NDUFB2: variants seen among roughly 807,000 people sequenced by gnomAD.
The protein encoded by NDUFB2 is NADH dehydrogenase [ubiquinone] 1 beta subcomplex subunit 2, mitochondrial.
In NDUFB2, 13 loss-of-function variants were observed where a neutral mutation model predicts 13.4. The ratio of observed to expected loss-of-function variants is 0.97; its 90% CI spans 0.63 to 1.54. NDUFB2 has a LOEUF of 1.54. NDUFB2 is among the 40% of genes most tolerant of loss of function. NDUFB2 has a pLI of 0.00. For missense variants in NDUFB2, 150 were observed against 139.7 expected, an observed-to-expected ratio of 1.07 and a Z score of -0.37; for synonymous variants, 47 against 50.6, an observed-to-expected ratio of 0.93 and a Z score of 0.30.
intron 3 of NDUFB2, chr7:140,705,499 C>G (rs972715080): frequency 6.6e-6 from 1 of 152,018 alleles, no homozygotes; most frequent in African/African-American, 2.4e-5. Flanking sequence ...TTTGTAGAGA[C>G]AGGGTGTCAC....
intron 3 of NDUFB2, chr7:140,706,045 TATG>T (rs1794965534): frequency 7.0e-6 from 1 of 142,412 alleles, no homozygotes; most frequent in Non-Finnish European, 1.5e-5. Flanking sequence ...TATGTTATGT[TATG>T]TTATGTTATG....
chr7:140,697,933 C>G, intron 1 of NDUFB2: 1 of 1,204,642 alleles, frequency 8.3e-7, no homozygotes, highest in East Asian at 5.7e-5. Context: ...CTCCTGGGCT[C>G]AAGTGATTCT....
chr7:140,697,247 A>G (rs528695214), intron 1 of NDUFB2: 5 of 694,056 alleles, frequency 7.2e-6, no homozygotes, highest in East Asian at 2.7e-5. Context: ...GGCGCGGTCC[A>G]GGGTCCCGGT....
chr7:140,702,808 G>A (rs1214834028), intron 1 of NDUFB2, 58 bp from the exon 2 acceptor site: 2 of 1,597,486 alleles, frequency 1.3e-6, no homozygotes, highest in Non-Finnish European at 1.7e-6. Context: ...AGGAGTTTTG[G>A]ATGACTTAAC....
rs751941055 is a variant in NDUFB2 at position 140,696,748 on chromosome 7, T to G, written c.4T>G (p.Ser2Ala). ...CGCGGGGCGGACGGGAGCGAGTATG[T>G]CCGCTCTGACTCGGCTGGCGTCTTT... M[S>A]ALTRLASFAR... is the part of the protein sequence containing the mutation. The change falls in exon 1 of 4, where the codon TCC (serine) becomes GCC (alanine). Residue 2 changes from serine (S) to alanine (A), a missense_variant. Transcript: ENST00000247866. 6.3e-7 allele frequency: 1 copy of G among 1,593,238 alleles called. No homozygotes were observed. The highest frequency in any genetic ancestry group is 8.5e-7 in the Non-Finnish European group (1 of 1,170,936).
At chr7:140,697,784 C>G (rs542615955) in intron 1 of NDUFB2, among the ~76,000 whole-genome samples, 1 of 152,282 alleles carries the variant, frequency 6.6e-6, no homozygotes, top group East Asian at 1.9e-4. Flanking sequence ...AGTTTCCTCA[C>G]CCATTTGGCG....
At chr7:140,696,867 G>T in intron 1 of NDUFB2, 25 bp downstream of exon 1, 2 of 1,574,674 alleles carry the variant, frequency 1.3e-6, no homozygotes, top group African/African-American at 1.4e-5. Context: ...GGGGATGGGG[G>T]CCTCGCCGGC....
rs1383477825 is a variant in NDUFB2, at chr7:140,696,842, A to G, written c.98A>G (p.His33Arg). 6.2e-7 allele frequency: 1 copy of G among 1,603,104 alleles called. No homozygotes were observed. The highest frequency in any genetic ancestry group is 8.5e-7 in the Non-Finnish European group (1 of 1,175,214). Residue 33 changes from histidine to arginine, a missense_variant and splice_region_variant, in exon 1 of 4, where the codon CAT becomes CGT. Coordinates refer to ENST00000247866, the MANE Select transcript of NDUFB2 (RefSeq NM_004546.3). ...ACTGCTGGAGATGGTGGAGTCCGTCAGTGAGTGTGGGGCTGGGGATGGGGG... is the reference window on the plus strand; with the variant it reads ...ACTGCTGGAGATGGTGGAGTCCGTCGGTGAGTGTGGGGCTGGGGATGGGGG... ...ARTAGDGGVR[H>R]AGGGVHIEPR...
chr7:140,704,075 A>G (rs545732827), intron 2 of NDUFB2, among the ~76,000 whole-genome samples: 2 of 152,318 alleles, frequency 1.3e-5, no homozygotes, highest in South Asian at 2.1e-4. Flanking sequence ...ATTTTCTAAC[A>G]TATCATTAGC....
At chr7:140,700,126 CTT>C (rs1011217476) in intron 1 of NDUFB2, 7 of 151,638 alleles carry the variant, frequency 4.6e-5, no homozygotes, top group Non-Finnish European at 1.0e-4. Context: ...TTACTCAGAT[CTT>C]TTTTGTTTTT....
intron 1 of NDUFB2, among the ~76,000 whole-genome samples, chr7:140,699,881 A>G (rs1794872682): frequency 6.9e-6 from 1 of 145,724 alleles, no homozygotes; most frequent in Non-Finnish European, 1.5e-5. Context: ...GCAGTTCACA[A>G]CCTGGTTTGG....
rs112027407 is a variant in NDUFB2, at chr7:140,698,154, G to C, written c.98+1312G>C. The C allele has an allele frequency of 1.9e-3, 2,507 of 1,352,110 alleles. 33 individuals are homozygous for C. The African/African-American group carries it at 0.032, about 17-fold the overall frequency. The allele number at this position is 1,352,110 out of a possible 1,614,324, so 83.8% of individuals were successfully genotyped here. A position where few individuals can be genotyped will look rare whatever the true frequency, so the allele number is the denominator to read the frequency against. ...AAGAATCTGGAGCTGGGGCAGGTGT[G>C]GGGTGGGCAGAAGGCAAAGCCCTGT... On this transcript the variant is annotated intron_variant, in intron 1 of 3. Transcript: ENST00000247866.
chr7:140,702,995 C>T lies in NDUFB2; in HGVS notation c.228C>T (p.Asp76=). 6.2e-7 allele frequency: 1 copy of T among 1,613,902 alleles called. No individual in the cohort carries two copies. The highest frequency in any genetic ancestry group is 8.5e-7 in the Non-Finnish European group (1 of 1,180,006). ...GGATTCTCTGGCGCTTTTGGCATGA[C>T]TCAGAAGAGGTGCTGGTAAGTGCAG... The part of the protein sequence containing the change: ...WFWILWRFWH[D]SEEVLGHFPY... Residue 76 remains aspartate (D), a synonymous_variant, in exon 2 of 4, where the codon GAC becomes GAT. Coordinates refer to ENST00000247866, the MANE Select transcript of NDUFB2 (RefSeq NM_004546.3).
chr7:140,701,579 C>G (rs1055580236), intron 1 of NDUFB2, among the ~76,000 whole-genome samples: 1 of 149,690 alleles, frequency 6.7e-6, no homozygotes, highest in Non-Finnish European at 1.5e-5. Flanking sequence ...GCAGAAGGAT[C>G]GCTTGAGCTA....
intron 1 of NDUFB2, chr7:140,701,026 C>T (rs1794890006): frequency 1.3e-5 from 2 of 152,024 alleles, no homozygotes; most frequent in African/African-American, 4.8e-5. Flanking sequence ...AACTAAAAAT[C>T]ACCTTATTCA....
At position 140,704,983 on chromosome 7, in the gene NDUFB2, C is replaced by G. The variant is rs918430827; in HGVS notation, c.*29+20C>G. 1.5e-6 allele frequency: 2 copies of G among 1,305,270 alleles called. No individual in the cohort carries two copies. The highest frequency in any genetic ancestry group is 2.6e-5 in the Admixed American group (1 of 38,814). The allele number at this position is 1,305,270 out of a possible 1,614,324, so 80.9% of individuals were successfully genotyped here. On this transcript the variant is annotated intron_variant, in intron 3 of 3. Transcript: ENST00000247866. Reference sequence around the variant, plus strand: ...GTACAAGTGGGTGTGCTCCAAATTTCTTTATGTCATATTTACCTTTTTTCA... The same window carrying G: ...GTACAAGTGGGTGTGCTCCAAATTTGTTTATGTCATATTTACCTTTTTTCA...
intron 1 of NDUFB2, chr7:140,697,153 G>A: frequency 1.7e-6 from 1 of 595,324 alleles, no homozygotes; most frequent in South Asian, 2.0e-5. Context: ...GGCGCGGGCG[G>A]TCCAGGCGGA....
At chr7:140,698,217 G>A in intron 1 of NDUFB2, 5 of 1,351,974 alleles carry the variant, frequency 3.7e-6, no homozygotes, top group Non-Finnish European at 4.9e-6. Flanking sequence ...AGCCATGAGC[G>A]ACAGCCCTTG....
At chr7:140,697,356 G>A (rs530342888) in intron 1 of NDUFB2, 86 of 702,832 alleles carry the variant, frequency 1.2e-4, no homozygotes, top group Middle Eastern at 2.3e-4. Context: ...CTGGCTGCAG[G>A]GAGTGGAGGC....
Sources: gnomAD v4.1 joint callset for allele counts (sites outside exome capture counted in the v4.1 genomes callset) on GRCh38, gnomAD v4.1.1 for gene constraint, MANE v1.5 for transcripts, NCBI Gene and HGNC (gene_info 2026-07-23, HGNC 2026-07-21) for gene names.